The following MROH2B variants were observed in gnomAD, a reference collection of about 807,000 sequenced individuals.
The protein encoded by MROH2B is maestro heat like repeat family member 2B, also known as maestro heat-like repeat-containing protein family member 2B.
Under a neutral mutation model 208.6 loss-of-function variants are expected in MROH2B, and 177 were observed. The observed-to-expected ratio is 0.85, with a 90% CI of 0.75 to 0.96. The LOEUF (loss-of-function observed/expected upper bound fraction) is 0.96. Ranked by LOEUF, MROH2B falls within the 40% of genes least tolerant of loss-of-function variation. The pLI is 0.00. For missense variants in MROH2B, 2,002 were observed against 1,878.7 expected, an observed-to-expected ratio of 1.07 and a Z score of -1.21; for synonymous variants, 728 against 659.0, an observed-to-expected ratio of 1.10 and a Z score of -1.60.
At position 41,009,335 on chromosome 5, in the gene MROH2B, A is replaced by T. The variant is rs750426808; in HGVS notation, c.3365T>A (p.Ile1122Lys). 2 of 1,613,910 alleles carry T rather than the reference A, an allele frequency of 1.2e-6. No homozygotes were observed. The highest frequency in any genetic ancestry group is 4.5e-5 in the East Asian group (2 of 44,876). The change falls in exon 32 of 42, where the codon ATA becomes AAA. Residue 1122 changes from isoleucine (I) to lysine (K), a missense_variant. Transcript: ENST00000399564. ...ASSGKLLQAL[I>K]DKLETELEDD... ...TTCTAACTCAGTCTCCAGTTTGTCT[A>T]TTAAGGCTTGCAAGAGTTTCCCACT...
At chr5:41,014,910 T>C (rs1043250844) in intron 29 of MROH2B, among the ~76,000 whole-genome samples, 1 of 152,230 alleles carries the variant, frequency 6.6e-6, no homozygotes, top group Non-Finnish European at 1.5e-5. Flanking sequence ...AAACAGGAAT[T>C]GTATTTTCTG....
chr5:41,065,490 T>A lies in MROH2B; in HGVS notation c.202A>T (p.Met68Leu). 6.2e-7 allele frequency: 1 copy of A among 1,611,794 alleles called. No homozygotes were observed. The highest frequency in any genetic ancestry group is 8.5e-7 in the Non-Finnish European group (1 of 1,179,074). ...YASKDMRDNN[M>L]LREIRMLAGE... ...GCTAGCATTCTGATTTCTCTGAGCA[T>A]CTGAGGAGGAAAAGAAAAATAACAA... The change falls in exon 4 of 42, where the codon ATG (methionine) becomes TTG (leucine). Residue 68 changes from methionine to leucine, a missense_variant and splice_region_variant. By Grantham distance (15) the Met-to-Leu change is conservative. Coordinates refer to ENST00000399564, the MANE Select transcript of MROH2B (RefSeq NM_173489.5).
intron 24 of MROH2B, 147 bp from the exon 25 acceptor site, chr5:41,019,165 A>C: frequency 1.0e-6 from 1 of 980,724 alleles, no homozygotes; most frequent in Non-Finnish European, 1.5e-6. Context: ...AAAGGTGGTG[A>C]CAGGAGTAGG....
intron 29 of MROH2B, among the ~76,000 whole-genome samples, chr5:41,014,581 T>G (rs1230759189): frequency 1.3e-5 from 2 of 152,012 alleles, no homozygotes; most frequent in African/African-American, 4.8e-5. Flanking sequence ...GAACTTAAAA[T>G]ATAATAAAAC....
At chr5:41,054,053 C>G (rs1260758440) in intron 11 of MROH2B, among the ~76,000 whole-genome samples, 1 of 151,930 alleles carries the variant, frequency 6.6e-6, no homozygotes, top group Non-Finnish European at 1.5e-5. Context: ...AGTCTGGGCT[C>G]ACTGCAACCT....
At chr5:41,049,005 G>T in intron 15 of MROH2B, 96 bp downstream of exon 15, 4 of 1,180,580 alleles carry the variant, frequency 3.4e-6, no homozygotes, top group Non-Finnish European at 4.8e-6. Flanking sequence ...CTTTTTGTTT[G>T]GAGTATCTAT....
At position 41,051,757 on chromosome 5, in the gene MROH2B, C is replaced by T. The variant is rs922167832; in HGVS notation, c.1231-667G>A. 8.5e-5 allele frequency among the ~76,000 whole-genome samples: 13 copies of T among 152,162 alleles called. No individual in the cohort carries two copies. In the East Asian group the frequency reaches 1.3e-3, roughly 16 times the overall value. Reference sequence around the variant, plus strand: ...GCACTCATTAGACAATCTTGGACTTCCCCGCATCTTGAACTGTGAGAAATA... The same window carrying T: ...GCACTCATTAGACAATCTTGGACTTTCCCGCATCTTGAACTGTGAGAAATA... On this transcript the variant is annotated intron_variant, in intron 12 of 41. Coordinates refer to ENST00000399564, the MANE Select transcript of MROH2B (RefSeq NM_173489.5).
chr5:41,034,424 T>C (rs546408905), intron 21 of MROH2B, among the ~76,000 whole-genome samples: 6 of 152,228 alleles, frequency 3.9e-5, no homozygotes, highest in African/African-American at 1.2e-4. Context: ...CTGAGCCACG[T>C]AGGAATACTC....
At chr5:41,052,108 C>T (rs554716027) in intron 12 of MROH2B, among the ~76,000 whole-genome samples, 2 of 151,468 alleles carry the variant, frequency 1.3e-5, no homozygotes, top group East Asian at 1.9e-4. Context: ...TCTCTGTGTC[C>T]CTCTCCAGAC....
intron 21 of MROH2B, among the ~76,000 whole-genome samples, chr5:41,038,177 C>T (rs1742823068): frequency 6.6e-6 from 1 of 152,142 alleles, no homozygotes; most frequent in African/African-American, 2.4e-5. Context: ...TTGTGAGACA[C>T]TGTTCAAGGT....
At chr5:41,035,817 A>G (rs922596234) in intron 21 of MROH2B, among the ~76,000 whole-genome samples, 3 of 146,450 alleles carry the variant, frequency 2.0e-5, no homozygotes, top group Non-Finnish European at 4.5e-5. Flanking sequence ...GCAAAAAAAC[A>G]AAACAAAACA....
chr5:41,019,515 A>C (rs1177523400), intron 24 of MROH2B, among the ~76,000 whole-genome samples: 1 of 152,206 alleles, frequency 6.6e-6, no homozygotes, highest in Non-Finnish European at 1.5e-5. Flanking sequence ...AATAAATGAC[A>C]ATGGAGTGTT....
chr5:41,012,386 A>C (rs1295510198), intron 30 of MROH2B, among the ~76,000 whole-genome samples, 197 bp downstream of exon 30: 2 of 152,242 alleles, frequency 1.3e-5, no homozygotes, highest in Non-Finnish European at 2.9e-5. Context: ...ATATTAAAAG[A>C]CAAGAGAGGC....
At chr5:41,043,257 A>G (rs1235070297) in intron 18 of MROH2B, among the ~76,000 whole-genome samples, 2 of 152,238 alleles carry the variant, frequency 1.3e-5, no homozygotes, top group African/African-American at 4.8e-5. Flanking sequence ...CAACTCCCAG[A>G]GTGACAGTGG....
At chr5:41,016,408 C>T (rs770421850) in intron 28 of MROH2B, among the ~76,000 whole-genome samples, 2 of 149,168 alleles carry the variant, frequency 1.3e-5, no homozygotes, top group Admixed American at 6.7e-5. Context: ...ATGAAGTGGG[C>T]TAAAGGAAAA....
Position 41,007,440 on chromosome 5 carries a change from G to C in MROH2B, c.3623C>G (p.Thr1208Ser), listed in dbSNP as rs377060219. The stretch of plus-strand genomic sequence containing the variant: ...GGCTTGGGCTTGCAAACATTTTAAA[G>C]TAGCAGTTGAAAGCCTAAAGGAGAC... ...IPDPCRLSTA[T>S]LKCLQAQAMR... Residue 1208 changes from threonine (T) to serine (S), a missense_variant, in exon 34 of 42, where the codon ACT (threonine) becomes AGT (serine). Physicochemically the swap from Thr to Ser is moderately conservative, Grantham distance 58. Transcript: ENST00000399564. The C allele has an allele frequency of 4.4e-6, 7 of 1,576,016 alleles. No individual in the cohort carries two copies. The African/African-American group carries it at 8.1e-5, about 18-fold the overall frequency.
Position 41,018,323 on chromosome 5 carries a change from TTCTA to T in MROH2B, c.2763+14_2763+17del. ...GTTCACAAGCAATAAAGTCTATTCA[TTCTA>T]GGGGATTACTTACCTCAATATCATT... On this transcript the variant is annotated intron_variant, in intron 27 of 41. Transcript: ENST00000399564. 2.5e-6 allele frequency: 4 copies of T among 1,605,176 alleles called. No homozygotes were observed. The highest frequency in any genetic ancestry group is 3.4e-6 in the Non-Finnish European group (4 of 1,174,904).
intron 19 of MROH2B, among the ~76,000 whole-genome samples, chr5:41,041,622 T>TCAACAA (rs569467895): frequency 7.9e-5 from 12 of 151,894 alleles, no homozygotes; most frequent in African/African-American, 2.7e-4. Context: ...ACACTCTGTC[T>TCAACAA]CAACAACAAC....
At chr5:41,028,495 G>A (rs952697167) in intron 24 of MROH2B, among the ~76,000 whole-genome samples, 2 of 152,002 alleles carry the variant, frequency 1.3e-5, no homozygotes, top group African/African-American at 2.4e-5. Context: ...AGTAGCCACT[G>A]TTTTTTATTC....
Sources: allele counts gnomAD v4.1 joint callset (sites outside exome capture counted in the v4.1 genomes callset), GRCh38; gene constraint gnomAD v4.1.1; transcripts MANE v1.5; gene names NCBI Gene and HGNC (gene_info 2026-07-23, HGNC 2026-07-21).